The following CLEC6A variants were observed in gnomAD, a reference collection of about 807,000 sequenced individuals.
CLEC6A encodes the protein C-type lectin domain containing 6A.
Under a neutral mutation model 25.7 loss-of-function variants are expected in CLEC6A, and 22 were observed. The ratio of observed to expected loss-of-function variants is 0.85; its 90% confidence interval spans 0.61 to 1.22. The LOEUF (loss-of-function observed/expected upper bound fraction) is 1.22. CLEC6A is among the 50% of genes most tolerant of loss of function. CLEC6A has a pLI of 0.00. For synonymous variants in CLEC6A, 92 were observed against 76.7 expected (o/e 1.20, Z -1.04); for missense variants, 240 against 236.8 (o/e 1.01, Z -0.09).
chr12:8,465,257 G>A (rs199861817), intron 3 of CLEC6A, among the ~76,000 whole-genome samples: 1 of 108,384 alleles, frequency 9.2e-6, no homozygotes, highest in Non-Finnish European at 2.0e-5. Context: ...TTTTTTTTTT[G>A]CAAAAAAGAA....
In CLEC6A at chr12:8,475,559, C is replaced by G. The variant is rs80064755; in HGVS notation, c.370-566C>G. Among the ~76,000 whole-genome samples the G allele has an allele frequency of 5.3e-3, 805 of 151,930 alleles. 7 individuals are homozygous for G. The highest frequency in any genetic ancestry group is 0.018 in the African/African-American group (747 of 41,434). ...CCAATGGTGTAAATCTAGTCCAAGG[C>G]TAGTAAAAGATTGATGTCTTAGGTC... On this transcript the variant is annotated intron_variant, in intron 4 of 5. Transcript: ENST00000382073.
At chr12:8,458,487 T>C (rs1055748141) in intron 2 of CLEC6A, among the ~76,000 whole-genome samples, 8 of 152,182 alleles carry the variant, frequency 5.3e-5, no homozygotes, top group African/African-American at 1.9e-4. Flanking sequence ...CAAATACATG[T>C]CTCAAGTTCA....
At position 8,459,578 on chromosome 12, in the gene CLEC6A, CCTT is replaced by C. The variant is rs766171537; in HGVS notation, c.122-11_122-9del. 4.4e-5 allele frequency: 65 copies of C among 1,475,342 alleles called. No individual in the cohort carries two copies. The highest frequency in any genetic ancestry group is 1.7e-4 in the Middle Eastern group (1 of 5,852). The allele number at this position is 1,475,342 out of a possible 1,614,324, so 91.4% of individuals were successfully genotyped here. A position where few individuals can be genotyped will look rare whatever the true frequency, so the allele number is the denominator to read the frequency against. ...AGCAAAATAATAGATGGACACTAAT[CCTT>C]CTTCTTCCTTTACAGTAACTTACCA... On this transcript the variant is annotated splice_polypyrimidine_tract_variant and intron_variant, in intron 2 of 5. Transcript: ENST00000382073.
intron 4 of CLEC6A, among the ~76,000 whole-genome samples, chr12:8,474,159 G>A (rs774231603): frequency 5.9e-5 from 9 of 151,970 alleles, no homozygotes; most frequent in South Asian, 4.2e-4. Context: ...GCTGATGTCC[G>A]GCATGGTGGT....
chr12:8,468,626 G>A (rs772407867), intron 4 of CLEC6A, among the ~76,000 whole-genome samples: 140 of 152,230 alleles, frequency 9.2e-4, no homozygotes, highest in Non-Finnish European at 2.1e-4. Context: ...TGCAAGGATG[G>A]TTTAATATCT....
chr12:8,461,006 T>G (rs1471271953), intron 3 of CLEC6A: 4 of 1,409,380 alleles, frequency 2.8e-6, no homozygotes, highest in Non-Finnish European at 9.9e-7. Flanking sequence ...TAAAAATTTT[T>G]GGGGGTTATC....
intron 4 of CLEC6A, among the ~76,000 whole-genome samples, chr12:8,471,426 T>C (rs1392948301): frequency 6.6e-6 from 1 of 152,094 alleles, no homozygotes; most frequent in Non-Finnish European, 1.5e-5. Flanking sequence ...GGCTTTTTTT[T>C]GTTGGGAGGT....
intron 3 of CLEC6A, among the ~76,000 whole-genome samples, chr12:8,463,096 TG>T (rs1371160420): frequency 1.2e-4 from 18 of 144,458 alleles, no homozygotes; most frequent in African/African-American, 4.3e-4. Context: ...AACAGTTGGA[TG>T]TTTTACATCA....
intron 4 of CLEC6A, among the ~76,000 whole-genome samples, chr12:8,475,074 G>A (rs1054697018): frequency 2.6e-5 from 4 of 151,664 alleles, no homozygotes; most frequent in South Asian, 2.1e-4. Context: ...GATGTTCCCC[G>A]CCCTGTGTCT....
rs1939747831 is a variant in CLEC6A at position 8,461,089 on chromosome 12, C to T, written c.223+1391C>T. 3.1e-6 allele frequency: 5 copies of T among 1,596,000 alleles called. No individual in the cohort carries two copies. In the East Asian group the frequency reaches 8.9e-5, roughly 28 times the overall value. On this transcript the variant is annotated intron_variant, in intron 3 of 5. Coordinates refer to ENST00000382073, the MANE Select transcript of CLEC6A (RefSeq NM_001007033.2). ...GTGGATCACCAAACCAGTCCACAAG[C>T]ACAGGGAGATGTGTGGGCTGACATC... is the stretch of plus-strand genomic sequence containing the variant.
At chr12:8,463,894 A>G (rs1009222377) in intron 3 of CLEC6A, among the ~76,000 whole-genome samples, 6 of 152,236 alleles carry the variant, frequency 3.9e-5, no homozygotes, top group Non-Finnish European at 8.8e-5. Context: ...ACAGCTGTCA[A>G]TATTTTTTGT....
At chr12:8,464,476 C>G (rs1939804477) in intron 3 of CLEC6A, among the ~76,000 whole-genome samples, 1 of 151,936 alleles carries the variant, frequency 6.6e-6, no homozygotes, top group Admixed American at 6.6e-5. Flanking sequence ...CTAAAGGCGT[C>G]CGCCACCACA....
At chr12:8,461,846 C>T (rs2136358406) in intron 3 of CLEC6A, among the ~76,000 whole-genome samples, 1 of 152,292 alleles carries the variant, frequency 6.6e-6, no homozygotes, top group Admixed American at 6.5e-5. Context: ...CACCTGCACT[C>T]GACCTAGGCC....
Position 8,477,300 on chromosome 12 carries a change from A to C in CLEC6A, c.486-20A>C, listed in dbSNP as rs1939988163. ...CATGCATTCTTTGAAGATGTGTACT[A>C]CCTTTTTGTTTTCCTTTAGATTTTG... On this transcript the variant is annotated intron_variant, in intron 5 of 5. Coordinates refer to ENST00000382073, the MANE Select transcript of CLEC6A (RefSeq NM_001007033.2). 1 of 1,597,696 alleles carries C rather than the reference A, an allele frequency of 6.3e-7. No homozygotes were observed. The highest frequency in any genetic ancestry group is 1.8e-5 in the Admixed American group (1 of 57,078).
At chr12:8,460,856 CT>C (rs1939744642) in intron 3 of CLEC6A, 1 of 910,268 alleles carries the variant, frequency 1.1e-6, no homozygotes. Flanking sequence ...AAGGGTACAA[CT>C]TACCGCAAGC....
chr12:8,462,572 A>T (rs889970479), intron 3 of CLEC6A, among the ~76,000 whole-genome samples: 1 of 139,750 alleles, frequency 7.2e-6, no homozygotes, highest in Non-Finnish European at 1.6e-5. Context: ...TGAGATGTTT[A>T]TGTGTATGCA....
chr12:8,477,574 T>C lies in CLEC6A; in HGVS notation c.*110T>C. The stretch of plus-strand genomic sequence containing the variant: ...GATAATTTCTTCCTGAATTTACACA[T>C]AATCCTTATGTTATAGAGGTTCACA... On this transcript the variant is annotated 3_prime_UTR_variant, in exon 6 of 6. Coordinates refer to ENST00000382073, the MANE Select transcript of CLEC6A (RefSeq NM_001007033.2). The C allele has an allele frequency of 1.2e-6, 1 of 815,130 alleles. No homozygotes were observed. Among genetic ancestry groups the C allele is most frequent in the South Asian group, 2.0e-5 (1 of 51,258 alleles). 50.5% of individuals were successfully genotyped at this position (815,130 alleles called of 1,614,324 possible).
chr12:8,467,489 T>C (rs1175693039), intron 4 of CLEC6A, among the ~76,000 whole-genome samples: 1 of 151,880 alleles, frequency 6.6e-6, no homozygotes, highest in African/African-American at 2.4e-5. Flanking sequence ...TGTTGGAGAC[T>C]ATTTGACCAT....
chr12:8,456,515 T>A, intron 1 of CLEC6A, among the ~76,000 whole-genome samples: 1 of 152,244 alleles, frequency 6.6e-6, no homozygotes, highest in East Asian at 1.9e-4. Context: ...TTTTTTGTAC[T>A]TGCTTTTCTA....
Sources: allele counts gnomAD v4.1 joint callset (sites outside exome capture counted in the v4.1 genomes callset), GRCh38; gene constraint gnomAD v4.1.1; transcripts MANE v1.5; gene names NCBI Gene and HGNC (gene_info 2026-07-23, HGNC 2026-07-21).